The following CA10 variants were observed in gnomAD, a reference collection of about 807,000 sequenced individuals.
CA10 encodes the protein carbonic anhydrase 10 (inactive).
CA10 carries 14 observed loss-of-function variants against 44.2 expected under a neutral mutation model. That is an observed-to-expected ratio of 0.32 (90% confidence interval 0.21 to 0.50). The LOEUF is 0.50. CA10 is among the 20% of genes least tolerant of loss of function. CA10 has a pLI of 0.99. For missense variants in CA10, 350 were observed against 409.7 expected, an observed-to-expected ratio of 0.85 and a Z score of 1.26; for synonymous variants, 159 against 141.6, an observed-to-expected ratio of 1.12 and a Z score of -0.87.
intron 4 of CA10, among the ~76,000 whole-genome samples, chr17:51,666,329 C>T (rs185220225): frequency 2.0e-5 from 3 of 152,210 alleles, no homozygotes; most frequent in Admixed American, 2.0e-4. Context: ...AAGGACAGAC[C>T]ACATTCATGC....
intron 2 of CA10, among the ~76,000 whole-genome samples, chr17:52,027,354 T>C (rs1986333475): frequency 6.6e-6 from 1 of 151,936 alleles, no homozygotes; most frequent in South Asian, 2.1e-4. Flanking sequence ...CTCTGACTGG[T>C]ATGGGGGTAG....
chr17:51,659,656 C>G (rs894723980), intron 4 of CA10, among the ~76,000 whole-genome samples: 6 of 152,140 alleles, frequency 3.9e-5, no homozygotes, highest in African/African-American at 1.4e-4. Context: ...ATGATCATTA[C>G]CAACATTTGT....
intron 2 of CA10, among the ~76,000 whole-genome samples, chr17:52,028,807 C>G (rs1390900841): frequency 6.6e-6 from 1 of 152,164 alleles, no homozygotes; most frequent in Non-Finnish European, 1.5e-5. Context: ...ATTGTTGACT[C>G]TTAGAGTGCC....
intron 3 of CA10, among the ~76,000 whole-genome samples, chr17:51,845,369 C>T (rs527788955): frequency 1.6e-4 from 25 of 152,320 alleles, no homozygotes; most frequent in African/African-American, 5.5e-4. Flanking sequence ...TTCTAGCAGC[C>T]TGCAGAGAGG....
chr17:51,998,971 C>T (rs1985331933), intron 2 of CA10, among the ~76,000 whole-genome samples: 1 of 152,026 alleles, frequency 6.6e-6, no homozygotes, highest in South Asian at 2.1e-4. Context: ...CTATTACCAA[C>T]TTGTAATGGG....
At chr17:52,008,947 G>T (rs74542916) in intron 2 of CA10, among the ~76,000 whole-genome samples, 2,932 of 152,006 alleles carry the variant, frequency 0.019, 93 homozygotes, top group African/African-American at 0.065. Flanking sequence ...GATAGGAAGT[G>T]CTTCTTATCT....
intron 4 of CA10, among the ~76,000 whole-genome samples, chr17:51,693,665 CATG>C (rs1335688703): frequency 6.6e-6 from 1 of 152,126 alleles, no homozygotes; most frequent in Non-Finnish European, 1.5e-5. Context: ...CTGCAAAAAT[CATG>C]ATTTCATTCT....
At chr17:51,820,188 C>A (rs1414569727) in intron 3 of CA10, among the ~76,000 whole-genome samples, 3 of 118,834 alleles carry the variant, frequency 2.5e-5, no homozygotes, top group Non-Finnish European at 5.2e-5. Context: ...GAGCGCCGCC[C>A]CCCCCCCCCC....
chr17:51,673,232 A>G (rs984339410), intron 4 of CA10, among the ~76,000 whole-genome samples: 1 of 152,174 alleles, frequency 6.6e-6, no homozygotes, highest in African/African-American at 2.4e-5. Context: ...GGTAAGCAGG[A>G]ACCTTGATGT....
At chr17:51,720,293 T>G (rs1699683694) in intron 4 of CA10, among the ~76,000 whole-genome samples, 1 of 152,178 alleles carries the variant, frequency 6.6e-6, no homozygotes, top group Non-Finnish European at 1.5e-5. Flanking sequence ...CACAGTATTA[T>G]ATACTGGAAG....
intron 8 of CA10, 114 bp from the exon 9 acceptor site, chr17:51,631,720 G>T: frequency 1.1e-6 from 1 of 875,122 alleles, no homozygotes; most frequent in Non-Finnish European, 1.9e-6. Flanking sequence ...GGACTGTTTT[G>T]TAAATGCCTG....
At chr17:52,087,133 TG>T (rs1235702113) in intron 1 of CA10, among the ~76,000 whole-genome samples, 1 of 152,204 alleles carries the variant, frequency 6.6e-6, no homozygotes, top group East Asian at 1.9e-4. Context: ...TACCTTTTCT[TG>T]TAATTAATTA....
At chr17:51,961,244 AACTG>A (rs1219110885) in intron 2 of CA10, among the ~76,000 whole-genome samples, 3 of 151,158 alleles carry the variant, frequency 2.0e-5, no homozygotes, top group African/African-American at 4.9e-5. Context: ...CTTTTGTGGA[AACTG>A]ACTGATACAC....
intron 2 of CA10, among the ~76,000 whole-genome samples, chr17:51,944,897 C>G (rs897869671): frequency 6.6e-6 from 1 of 152,156 alleles, no homozygotes; most frequent in Non-Finnish European, 1.5e-5. Context: ...TATCACATCT[C>G]TTTTCATTAG....
intron 3 of CA10, among the ~76,000 whole-genome samples, chr17:51,805,438 C>T (rs7214132): frequency 0.74 from 112,726 of 152,016 alleles, 42,090 homozygotes; most frequent in East Asian, 0.85. Flanking sequence ...ACCAGGGTGA[C>T]AAGATAAGGC....
At chr17:52,148,447 A>G (rs1024789409) in intron 1 of CA10, among the ~76,000 whole-genome samples, 2 of 152,228 alleles carry the variant, frequency 1.3e-5, no homozygotes, top group African/African-American at 2.4e-5. Context: ...TGCCCCAAAT[A>G]AGGATGATTT....
chr17:51,911,816 C>T (rs554571085), intron 3 of CA10, among the ~76,000 whole-genome samples: 1 of 152,282 alleles, frequency 6.6e-6, no homozygotes, highest in South Asian at 2.1e-4. Context: ...TTCAACCTAG[C>T]TTGGCCATCC....
At chr17:51,741,044 TTTTA>T (rs1466615539) in intron 4 of CA10, among the ~76,000 whole-genome samples, 1 of 152,190 alleles carries the variant, frequency 6.6e-6, no homozygotes, top group South Asian at 2.1e-4. Context: ...AGGTAGACAT[TTTTA>T]TTTGTTTTAT....
chr17:51,887,563 T>C (rs888964755), intron 3 of CA10, among the ~76,000 whole-genome samples: 14 of 152,194 alleles, frequency 9.2e-5, no homozygotes, highest in African/African-American at 3.1e-4. Context: ...TTACTTTTGG[T>C]TCAGCGAATC....
Sources: allele counts gnomAD v4.1 joint callset (sites outside exome capture counted in the v4.1 genomes callset), GRCh38; gene constraint gnomAD v4.1.1; transcripts MANE v1.5; gene names NCBI Gene and HGNC (gene_info 2026-07-23, HGNC 2026-07-21).